The following DBF4B variants were observed in gnomAD, a reference collection of about 807,000 sequenced individuals.
The protein encoded by DBF4B is DBF4B-CDC7 kinase regulatory subunit.
A neutral mutation model predicts 53.4 loss-of-function variants in DBF4B; 49 were observed. The observed-to-expected ratio is 0.92, with a 90% CI of 0.73 to 1.16. The LOEUF (loss-of-function observed/expected upper bound fraction) is 1.16. Ranked by LOEUF, DBF4B falls within the 50% of genes most tolerant of loss-of-function variation. The pLI is 0.00. For missense variants in DBF4B, 692 were observed against 775.0 expected (o/e 0.89, Z 1.27); for synonymous variants, 257 against 288.7 (o/e 0.89, Z 1.11).
intron 13 of DBF4B, 97 bp from the exon 14 acceptor site, chr17:44,750,494 CAATT>C: frequency 6.7e-7 from 1 of 1,499,688 alleles, no homozygotes; most frequent in Non-Finnish European, 8.8e-7. Flanking sequence ...TTAAATTTTA[CAATT>C]AATTTTGGTT....
chr17:44,721,796 G>A lies in DBF4B; in HGVS notation c.83-1084G>A, dbSNP rs1156368895. On this transcript the variant is annotated intron_variant, in intron 2 of 13. Coordinates refer to ENST00000315005, the MANE Select transcript of DBF4B (RefSeq NM_145663.3). ...AGATCAAAAGCTTATGCCCTATCTCGTGTGTCCCTCCGCTGAGTTTAGGGA... is the reference window on the plus strand; with the variant it reads ...AGATCAAAAGCTTATGCCCTATCTCATGTGTCCCTCCGCTGAGTTTAGGGA... 5.3e-5 allele frequency among the ~76,000 whole-genome samples: 8 copies of A among 150,804 alleles called. No individual in the cohort carries two copies. In the South Asian group the frequency reaches 1.5e-3, roughly 28 times the overall value.
chr17:44,708,798 G>T lies in DBF4B; in HGVS notation c.-23G>T, dbSNP rs1484210948. The T allele has an allele frequency of 3.2e-6, 5 of 1,551,148 alleles. No homozygotes were observed. The East Asian group carries it at 9.8e-5, about 30-fold the overall frequency. ...GAGGCCTCTGAGGAAGGAGTACGGA[G>T]GCCGAGAAGGAGCCGGCATTTGATG... On this transcript the variant is annotated 5_prime_UTR_variant, in exon 1 of 14. It adds an upstream start codon to the 5' untranslated region. Coordinates refer to ENST00000315005, the MANE Select transcript of DBF4B (RefSeq NM_145663.3).
chr17:44,743,798 ATGG>A (rs2145115559), intron 10 of DBF4B, among the ~76,000 whole-genome samples: 1 of 151,508 alleles, frequency 6.6e-6, no homozygotes, highest in African/African-American at 2.4e-5. Context: ...TTTAGTACAG[ATGG>A]GGTTTCACTA....
At chr17:44,746,542 G>GGCGC (rs1976614852) in intron 10 of DBF4B, among the ~76,000 whole-genome samples, 1 of 152,148 alleles carries the variant, frequency 6.6e-6, no homozygotes, top group South Asian at 2.1e-4. Flanking sequence ...GGAGATGGCT[G>GGCGC]GCGCGGTGGC....
intron 2 of DBF4B, among the ~76,000 whole-genome samples, chr17:44,712,887 T>C (rs1410074380): frequency 6.6e-6 from 1 of 151,812 alleles, no homozygotes; most frequent in Non-Finnish European, 1.5e-5. Context: ...TTTTGAATTA[T>C]ATCTATTGAC....
chr17:44,736,757 T>G, intron 7 of DBF4B, 73 bp from the exon 8 acceptor site: 1 of 1,554,028 alleles, frequency 6.4e-7, no homozygotes, highest in Non-Finnish European at 8.9e-7. Flanking sequence ...GGCAGCCACT[T>G]GGCTTATCAG....
intron 2 of DBF4B, among the ~76,000 whole-genome samples, chr17:44,721,862 T>C (rs1973878311): frequency 1.3e-5 from 2 of 151,630 alleles, no homozygotes; most frequent in Admixed American, 1.3e-4. Context: ...TGGCCAGGCA[T>C]GGTGGCTCGC....
At chr17:44,747,750 C>G (rs1474736509) in intron 12 of DBF4B, among the ~76,000 whole-genome samples, 1 of 152,228 alleles carries the variant, frequency 6.6e-6, no homozygotes, top group African/African-American at 2.4e-5. Flanking sequence ...TACACTGTGG[C>G]TCCCTTCCAA....
Position 44,749,734 on chromosome 17 carries a change from T to C in DBF4B, c.1190-861T>C. 1 of 1,127,380 alleles carries C rather than the reference T, an allele frequency of 8.9e-7. No individual in the cohort carries two copies. Among genetic ancestry groups the C allele is most frequent in the South Asian group, 2.1e-5 (1 of 46,752 alleles). 69.8% of individuals were successfully genotyped at this position (1,127,380 alleles called of 1,614,324 possible). ...CACAAAGGAGCTGGGGCAGCAGGAG[T>C]CCTGGCCCGGCTTCCTGGCCCTCCA... On this transcript the variant is annotated intron_variant, in intron 13 of 13. Transcript: ENST00000315005. This position sits in a 1 kb window ranked among gnomAD's most constrained non-coding sequence, Gnocchi z 4.4.
chr17:44,729,973 G>C lies in DBF4B; in HGVS notation c.294G>C (p.Glu98Asp). ...IVSSRREVKAESSGKSHRGCP... is the reference protein window; with the variant it reads ...IVSSRREVKADSSGKSHRGCP... ...CCAGCCGCAGAGAAGTAAAGGCAGAGAGCAGTGGGAAAAGCCATAGAGGCT... is the reference window on the plus strand; with the variant it reads ...CCAGCCGCAGAGAAGTAAAGGCAGACAGCAGTGGGAAAAGCCATAGAGGCT... The change falls in exon 4 of 14, where the codon GAG (glutamate) becomes GAC (aspartate). Residue 98 changes from glutamate to aspartate, a missense_variant. Glu to Asp is a conservative substitution (Grantham distance 45). Transcript: ENST00000315005. 1 of 1,614,072 alleles carries C rather than the reference G, an allele frequency of 6.2e-7. No individual in the cohort carries two copies. Among genetic ancestry groups the C allele is most frequent in the Non-Finnish European group, 8.5e-7 (1 of 1,180,042 alleles).
intron 5 of DBF4B, chr17:44,731,333 GGT>G (rs1043558797): frequency 2.6e-5 from 8 of 308,026 alleles, no homozygotes; most frequent in Non-Finnish European, 5.1e-5. Context: ...CTCTAGGCTG[GGT>G]GTGGTGGCTC....
intron 2 of DBF4B, among the ~76,000 whole-genome samples, chr17:44,721,780 G>A (rs1162553588): frequency 6.6e-6 from 1 of 151,024 alleles, no homozygotes; most frequent in Non-Finnish European, 1.5e-5. Flanking sequence ...AAGATCAAAA[G>A]CTTATGCCCT....
intron 11 of DBF4B, 49 bp downstream of exon 11, chr17:44,747,240 G>A: frequency 2.5e-6 from 4 of 1,605,534 alleles, no homozygotes; most frequent in Non-Finnish European, 3.4e-6. Flanking sequence ...CCCTGAGGGA[G>A]CCTGCTCACT....
chr17:44,751,681 T>C lies in DBF4B; in HGVS notation c.*428T>C. 7.1e-7 allele frequency: 1 copy of C among 1,407,488 alleles called. No individual in the cohort carries two copies. Among genetic ancestry groups the C allele is most frequent in the Non-Finnish European group, 9.2e-7 (1 of 1,083,026 alleles). The allele number at this position is 1,407,488 out of a possible 1,614,324, so 87.2% of individuals were successfully genotyped here. On this transcript the variant is annotated 3_prime_UTR_variant, in exon 14 of 14. Transcript: ENST00000315005. ...CACCTTCTGTTCTCTGGCTCCTTCC[T>C]GCGGTCTATACCTACCGCCTCCTCT... is the stretch of plus-strand genomic sequence containing the variant.
Position 44,750,945 on chromosome 17 carries a change from C to G in DBF4B, c.1540C>G (p.Pro514Ala). The G allele has an allele frequency of 6.2e-7, 1 of 1,614,192 alleles. No homozygotes were observed. The highest frequency in any genetic ancestry group is 8.5e-7 in the Non-Finnish European group (1 of 1,180,036). Reference sequence around the variant, plus strand: ...TGCACGCTGCTGGGTTCGTCCCTTTCCTTTTGTGACATGGGGTTGCCTCAT... The same window carrying G: ...TGCACGCTGCTGGGTTCGTCCCTTTGCTTTTGTGACATGGGGTTGCCTCAT... ...MSARCWVRPF[P>A]FVTWGCLIPH... The change falls in exon 14 of 14, where the codon CCT (proline) becomes GCT (alanine). Residue 514 changes from proline to alanine, a missense_variant. Around this residue, in one of 3 missense-constraint regions of DBF4B, gnomAD observed 597 missense variants for 665.8 expected, o/e 0.90. Coordinates refer to ENST00000315005, the MANE Select transcript of DBF4B (RefSeq NM_145663.3).
At chr17:44,748,837 C>T in intron 13 of DBF4B, 1 of 1,293,054 alleles carries the variant, frequency 7.7e-7, no homozygotes, top group Non-Finnish European at 1.0e-6. Context: ...TCCCTCTCTT[C>T]CCCTTACAGG....
chr17:44,726,870 G>A (rs1377041074), intron 3 of DBF4B, among the ~76,000 whole-genome samples: 7 of 152,082 alleles, frequency 4.6e-5, no homozygotes, highest in Non-Finnish European at 7.4e-5. Flanking sequence ...AGGCCGAGGC[G>A]GGCGGATCAC....
chr17:44,741,451 A>T lies in DBF4B; in HGVS notation c.829A>T (p.Arg277Ter), dbSNP rs750502359. The stretch of plus-strand genomic sequence containing the variant: ...GACCCTGGGCAGCATGCACCATACC[A>T]GGTGGGTCTTTCTGGTTCCTGAGTA... Reference protein sequence around the residue: ...PTTLGSMHHTRESKDGEPSPR... With the variant: ...PTTLGSMHHT The change falls in exon 10 of 14, where the codon AGA becomes TGA. Residue 277 changes from arginine to a stop codon, truncating the protein, a stop_gained and splice_region_variant. Transcript: ENST00000315005. LOFTEE classifies it high-confidence loss of function. 1 of 1,590,812 alleles carries T rather than the reference A, an allele frequency of 6.3e-7. No individual in the cohort carries two copies. The highest frequency in any genetic ancestry group is 1.1e-5 in the South Asian group (1 of 87,856).
In DBF4B at chr17:44,749,815, A is replaced by G. The variant is rs1379783766; in HGVS notation, c.1190-780A>G. 4.8e-6 allele frequency: 5 copies of G among 1,038,542 alleles called. No homozygotes were observed. The Admixed American group carries it at 2.0e-4, about 42-fold the overall frequency. 64.3% of individuals were successfully genotyped at this position (1,038,542 alleles called of 1,614,324 possible). A position where few individuals can be genotyped will look rare whatever the true frequency, so the allele number is the denominator to read the frequency against. On this transcript the variant is annotated intron_variant, in intron 13 of 13. Coordinates refer to ENST00000315005, the MANE Select transcript of DBF4B (RefSeq NM_145663.3). This position sits in a 1 kb window ranked among gnomAD's most constrained non-coding sequence, Gnocchi z 4.4. ...TTAGCTGTTGGTGTGCTCCACCCCC[A>G]ACCCCGGCCTCCTTTCTCACGAGCA... is the stretch of plus-strand genomic sequence containing the variant.
Sources: allele counts gnomAD v4.1 joint callset (sites outside exome capture counted in the v4.1 genomes callset), GRCh38; gene constraint gnomAD v4.1.1; regional missense constraint gnomAD v4.1.1; non-coding constraint Gnocchi (gnomAD v3.1); transcripts MANE v1.5; gene names NCBI Gene and HGNC (gene_info 2026-07-23, HGNC 2026-07-21).